TMEM132E: variants seen among roughly 807,000 people sequenced by gnomAD.
The protein encoded by TMEM132E is transmembrane protein 132E.
In TMEM132E, 49 loss-of-function variants were observed where a neutral mutation model predicts 78.5. That is an observed-to-expected ratio of 0.62 (90% CI 0.50 to 0.79). TMEM132E has a LOEUF of 0.79. Ranked by LOEUF, TMEM132E falls within the 30% of genes least tolerant of loss-of-function variation. TMEM132E has a pLI of 0.00. For missense variants in TMEM132E, 1,403 were observed against 1,470.9 expected, an observed-to-expected ratio of 0.95 and a Z score of 0.75; for synonymous variants, 715 against 670.6, an observed-to-expected ratio of 1.07 and a Z score of -1.02.
chr17:34,585,325 G>A (rs2142047942), intron 1 of TMEM132E, among the ~76,000 whole-genome samples: 1 of 152,320 alleles, frequency 6.6e-6, no homozygotes, highest in East Asian at 1.9e-4. Flanking sequence ...GTCTGGAACT[G>A]ACAGACCCTG....
chr17:34,603,551 T>G (rs1317833685), intron 1 of TMEM132E, among the ~76,000 whole-genome samples: 1 of 152,188 alleles, frequency 6.6e-6, no homozygotes, highest in Admixed American at 6.5e-5. Context: ...TGCCTGCTCC[T>G]GCACAGGGAT....
rs927360195 is a variant in TMEM132E, at chr17:34,634,928, C to T, written c.1818C>T (p.Ser606=). Residue 606 remains serine, a synonymous_variant, in exon 7 of 9, where the codon TCC becomes TCT. Coordinates refer to ENST00000631683, the MANE Select transcript of TMEM132E (RefSeq NM_001304438.2). ...TCACCCAGTTCCACACGACATCATCCGAGGGCACTGACCAGGTGGTCACCA... is the reference window on the plus strand; with the variant it reads ...TCACCCAGTTCCACACGACATCATCTGAGGGCACTGACCAGGTGGTCACCA... ...QVFTQFHTTS[S]EGTDQVVTML... is the part of the protein sequence containing the mutation. 17 of 1,614,058 alleles carry T rather than the reference C, an allele frequency of 1.1e-5. No individual in the cohort carries two copies. The highest frequency in any genetic ancestry group is 3.3e-5 in the Admixed American group (2 of 60,016).
rs1284900547 is a variant in TMEM132E at position 34,604,123 on chromosome 17, G to A, written c.68-22004G>A. On this transcript the variant is annotated intron_variant, in intron 1 of 8. Transcript: ENST00000631683. ...TTTAATCCTCACAACAACAGTACTT[G>A]TACTGTCTTCACTTCACAGGCTCAG... 6.6e-5 allele frequency among the ~76,000 whole-genome samples: 10 copies of A among 152,326 alleles called. No individual in the cohort carries two copies. The South Asian group carries it at 1.9e-3, about 28-fold the overall frequency.
chr17:34,636,133 C>A lies in TMEM132E; in HGVS notation c.2104C>A (p.Pro702Thr). The A allele has an allele frequency of 1.9e-6, 3 of 1,590,444 alleles. No homozygotes were observed. Among genetic ancestry groups the A allele is most frequent in the Non-Finnish European group, 2.6e-6 (3 of 1,169,468 alleles). Reference sequence around the variant, plus strand: ...CCTGGCCCTCTCCCTGCGGCCCAGCCCTGGGAGCAGCCACACCATCCTAGC... The same window carrying A: ...CCTGGCCCTCTCCCTGCGGCCCAGCACTGGGAGCAGCCACACCATCCTAGC... ...ASLALSLRPS[P>T]GSSHTILATT... The change falls in exon 8 of 9, where the codon CCT becomes ACT. Residue 702 changes from proline to threonine, a missense_variant. Physicochemically the swap from Pro to Thr is conservative, Grantham distance 38 (BLOSUM62 -1). Coordinates refer to ENST00000631683, the MANE Select transcript of TMEM132E (RefSeq NM_001304438.2).
Position 34,639,309 on chromosome 17 carries a change from A to C in TMEM132E, c.*1077A>C, listed in dbSNP as rs1907661803. 6.6e-6 allele frequency: 1 copy of C among 152,542 alleles called. No homozygotes were observed. The highest frequency in any genetic ancestry group is 1.5e-5 in the Non-Finnish European group (1 of 68,062). The allele number at this position is 152,542 out of a possible 1,614,324, so 9.4% of individuals were successfully genotyped here. On this transcript the variant is annotated 3_prime_UTR_variant, in exon 9 of 9. Coordinates refer to ENST00000631683, the MANE Select transcript of TMEM132E (RefSeq NM_001304438.2). Reference sequence around the variant, plus strand: ...GAGGTGGGGGCAGCAGCTCCCATGAACAGAGAGTACATGGTGGCTGGCTCT... The same window carrying C: ...GAGGTGGGGGCAGCAGCTCCCATGACCAGAGAGTACATGGTGGCTGGCTCT...
Position 34,626,600 on chromosome 17 carries a change from C to G in TMEM132E, c.541C>G (p.Arg181Gly), listed in dbSNP as rs767855555. Reference sequence around the variant, plus strand: ...TGCCCGGGAAGTCAAGAGCTCCTGCCGCCTCAGCGGGGGCCTGGCCACTTG... The same window carrying G: ...TGCCCGGGAAGTCAAGAGCTCCTGCGGCCTCAGCGGGGGCCTGGCCACTTG... ...RDAREVKSSC[R>G]LSGGLATCLV... The change falls in exon 2 of 9, where the codon CGC (arginine) becomes GGC (glycine). Residue 181 changes from arginine to glycine, a missense_variant. Arg to Gly is a moderately radical substitution (Grantham distance 125). Transcript: ENST00000631683. The G allele has an allele frequency of 6.5e-7, 1 of 1,534,670 alleles. No homozygotes were observed.
intron 1 of TMEM132E, among the ~76,000 whole-genome samples, chr17:34,588,823 G>A (rs538915177): frequency 2.0e-5 from 3 of 152,176 alleles, no homozygotes; most frequent in East Asian, 3.9e-4. Flanking sequence ...GTGCCATCTC[G>A]GCTCACTGCA....
chr17:34,632,954 G>A, intron 6 of TMEM132E, 45 bp downstream of exon 6: 1 of 1,604,672 alleles, frequency 6.2e-7, no homozygotes, highest in East Asian at 2.2e-5. Context: ...ACTCATGGGT[G>A]GATACAGCCT....
intron 1 of TMEM132E, among the ~76,000 whole-genome samples, chr17:34,606,294 C>T (rs183856579): frequency 6.6e-6 from 1 of 151,898 alleles, no homozygotes; most frequent in East Asian, 1.9e-4. Context: ...CTGCAGTGAG[C>T]CGAGATCGCA....
intron 1 of TMEM132E, among the ~76,000 whole-genome samples, chr17:34,620,397 C>T (rs1228414583): frequency 3.3e-5 from 5 of 152,252 alleles, no homozygotes; most frequent in African/African-American, 1.2e-4. Context: ...TTAGGGAGGG[C>T]AGTGTTCAGG....
At chr17:34,623,981 G>A (rs1015124594) in intron 1 of TMEM132E, among the ~76,000 whole-genome samples, 1 of 152,176 alleles carries the variant, frequency 6.6e-6, no homozygotes, top group Non-Finnish European at 1.5e-5. Context: ...TCTTGCCGGT[G>A]ATTTCCCCAG....
chr17:34,581,222 A>G (rs1597672331), intron 1 of TMEM132E, 79 bp downstream of exon 1: 1 of 1,289,390 alleles, frequency 7.8e-7, no homozygotes, highest in Non-Finnish European at 1.0e-6. Flanking sequence ...TGGGGAGAGG[A>G]GCACCCACAC....
In TMEM132E at chr17:34,632,581, C is replaced by T. The variant is rs1907381663; in HGVS notation, c.1483-123C>T. 1.5e-5 allele frequency: 14 copies of T among 920,338 alleles called. No homozygotes were observed. In the Admixed American group the frequency reaches 2.0e-4, roughly 13 times the overall value. 57.0% of individuals were successfully genotyped at this position (920,338 alleles called of 1,614,324 possible). The stretch of plus-strand genomic sequence containing the variant: ...AGGAATCAGTGCTTCCTTCCACTGG[C>T]CTCCTCCCCTTCAGCCTCCTAGGAC... On this transcript the variant is annotated intron_variant, in intron 5 of 8. Transcript: ENST00000631683.
At chr17:34,636,252 T>C (rs988391059) in intron 8 of TMEM132E, 54 bp downstream of exon 8, 13 of 1,388,064 alleles carry the variant, frequency 9.4e-6, no homozygotes, top group African/African-American at 6.0e-5. Context: ...GAAGGAGAAC[T>C]TGGGGGCTCT....
intron 1 of TMEM132E, among the ~76,000 whole-genome samples, chr17:34,597,545 C>T (rs562028265): frequency 4.6e-5 from 7 of 152,224 alleles, no homozygotes; most frequent in Non-Finnish European, 7.4e-5. Flanking sequence ...TCTGCAGATG[C>T]GGTCCCTTTG....
intron 6 of TMEM132E, 63 bp downstream of exon 6, chr17:34,632,972 C>A: frequency 6.4e-7 from 1 of 1,574,108 alleles, no homozygotes; most frequent in Non-Finnish European, 8.7e-7. Flanking sequence ...CCTCGGCCCA[C>A]AGTCTGATCT....
At chr17:34,592,501 G>C (rs557590028) in intron 1 of TMEM132E, among the ~76,000 whole-genome samples, 6 of 152,236 alleles carry the variant, frequency 3.9e-5, no homozygotes, top group African/African-American at 1.4e-4. Flanking sequence ...CTAATCTGCA[G>C]CCTGAAGGTG....
chr17:34,633,881 G>A (rs1362032891), intron 6 of TMEM132E, among the ~76,000 whole-genome samples: 2 of 152,204 alleles, frequency 1.3e-5, no homozygotes, highest in Non-Finnish European at 2.9e-5. Context: ...GGATGTAGCG[G>A]ACTCTGAAGC....
intron 1 of TMEM132E, among the ~76,000 whole-genome samples, chr17:34,602,226 T>C (rs969131830): frequency 6.6e-6 from 1 of 152,242 alleles, no homozygotes; most frequent in Non-Finnish European, 1.5e-5. Flanking sequence ...GAGTCTGAAA[T>C]GAACAATCGT....
Sources: allele counts gnomAD v4.1 joint callset (sites outside exome capture counted in the v4.1 genomes callset), GRCh38; gene constraint gnomAD v4.1.1; transcripts MANE v1.5; gene names NCBI Gene and HGNC (gene_info 2026-07-23, HGNC 2026-07-21).